Variants in RRAS2 observed in about 807,000 individuals in gnomAD.
RRAS2 encodes the protein ras-related protein R-Ras2.
RRAS2 carries 7 observed loss-of-function variants against 27.6 expected under a neutral mutation model. The observed-to-expected ratio is 0.25, with a 90% CI of 0.14 to 0.48. The LOEUF (loss-of-function observed/expected upper bound fraction) is 0.48, where lower values mean the gene tolerates loss of function less well. Among genes scored for constraint, RRAS2 ranks in the 20% least tolerant of loss-of-function variants. The probability of loss-of-function intolerance (pLI) is 0.99; values close to 1 mark genes in which losing one functional copy is unlikely to be tolerated. For missense variants in RRAS2, 178 were observed against 256.2 expected (o/e 0.69, Z 2.08); for synonymous variants, 86 against 90.9 (o/e 0.95, Z 0.31).
chr11:14,318,809 A>T (rs537467304), intron 1 of RRAS2, among the ~76,000 whole-genome samples: 1 of 152,214 alleles, frequency 6.6e-6, no homozygotes, highest in Non-Finnish European at 1.5e-5. Context: ...AGTAAATATA[A>T]ATCAGACTTT....
chr11:14,357,328 G>C (rs1299823642), intron 1 of RRAS2, among the ~76,000 whole-genome samples: 1 of 151,392 alleles, frequency 6.6e-6, no homozygotes, highest in African/African-American at 2.4e-5. Flanking sequence ...CATCAGACTA[G>C]TCCCCAAAGG....
chr11:14,285,139 G>T (rs922531268), intron 4 of RRAS2, among the ~76,000 whole-genome samples: 4 of 151,986 alleles, frequency 2.6e-5, no homozygotes, highest in African/African-American at 9.7e-5. Flanking sequence ...TCCTTTGTTG[G>T]TTAATTAACT....
chr11:14,349,310 C>A (rs1434861622), intron 1 of RRAS2, among the ~76,000 whole-genome samples: 1 of 151,664 alleles, frequency 6.6e-6, no homozygotes, highest in Non-Finnish European at 1.5e-5. Flanking sequence ...CGCCACCACA[C>A]CCGGCTAATT....
intron 1 of RRAS2, among the ~76,000 whole-genome samples, chr11:14,315,830 T>C (rs1297708589): frequency 1.3e-5 from 2 of 152,106 alleles, no homozygotes; most frequent in Non-Finnish European, 2.9e-5. Context: ...TTAAATTTAA[T>C]TAAGGAAAAC....
At chr11:14,344,079 G>A (rs1255699400) in intron 1 of RRAS2, among the ~76,000 whole-genome samples, 1 of 152,054 alleles carries the variant, frequency 6.6e-6, no homozygotes, top group East Asian at 1.9e-4. Flanking sequence ...GGACATCAAG[G>A]CTGCAGTGAG....
chr11:14,358,901 C>T lies in RRAS2; in HGVS notation c.-31G>A. On this transcript the variant is annotated 5_prime_UTR_variant, in exon 1 of 6. Transcript: ENST00000256196. The surrounding 1 kb of genome is among the most constrained non-coding windows in gnomAD (Gnocchi z 5.1). ...CGCTACAGAGCCCAGCCTGACTGCGCCGAGCCGCCGCTGCCGCCCGCCCTA... is the reference window on the plus strand; with the variant it reads ...CGCTACAGAGCCCAGCCTGACTGCGTCGAGCCGCCGCTGCCGCCCGCCCTA... The T allele has an allele frequency of 1.5e-6, 2 of 1,338,850 alleles. No individual in the cohort carries two copies. The highest frequency in any genetic ancestry group is 1.7e-5 in the South Asian group (1 of 60,152). 82.9% of individuals were successfully genotyped at this position (1,338,850 alleles called of 1,614,324 possible).
intron 4 of RRAS2, among the ~76,000 whole-genome samples, chr11:14,290,768 T>C (rs747256110): frequency 1.3e-5 from 2 of 152,146 alleles, no homozygotes; most frequent in South Asian, 2.1e-4. Context: ...CTGATGTCTG[T>C]AGAATCAAGA....
At chr11:14,285,200 A>G (rs1488911252) in intron 4 of RRAS2, among the ~76,000 whole-genome samples, 1 of 152,182 alleles carries the variant, frequency 6.6e-6, no homozygotes, top group Non-Finnish European at 1.5e-5. Flanking sequence ...ATACATTTTT[A>G]ATTCATGACA....
chr11:14,358,317 G>C lies in RRAS2; in HGVS notation c.108+446C>G, dbSNP rs1554955755. 2 of 985,394 alleles carry C rather than the reference G, an allele frequency of 2.0e-6. No homozygotes were observed. The highest frequency in any genetic ancestry group is 1.1e-4 in the East Asian group (1 of 8,810). 61.0% of individuals were successfully genotyped at this position (985,394 alleles called of 1,614,324 possible). ...AAGCCCGGAGACCACGCGGAGCCGCGGCCAAGTTGCCACCGCTATCGCCCC... is the reference window on the plus strand; with the variant it reads ...AAGCCCGGAGACCACGCGGAGCCGCCGCCAAGTTGCCACCGCTATCGCCCC... On this transcript the variant is annotated intron_variant, in intron 1 of 5. Transcript: ENST00000256196. The surrounding 1 kb of genome is among the most constrained non-coding windows in gnomAD (Gnocchi z 5.1).
At chr11:14,339,420 A>G (rs1180724412) in intron 1 of RRAS2, among the ~76,000 whole-genome samples, 1 of 152,190 alleles carries the variant, frequency 6.6e-6, no homozygotes, top group Non-Finnish European at 1.5e-5. Context: ...GTTCATCAGA[A>G]CAGTCATTCT....
At chr11:14,304,153 T>G (rs1450975947) in intron 1 of RRAS2, among the ~76,000 whole-genome samples, 1 of 152,206 alleles carries the variant, frequency 6.6e-6, no homozygotes, top group East Asian at 1.9e-4. Context: ...TCCATAGATT[T>G]GTATACTAAA....
intron 1 of RRAS2, among the ~76,000 whole-genome samples, chr11:14,330,257 T>C (rs1350619088): frequency 6.6e-6 from 1 of 152,192 alleles, no homozygotes; most frequent in Admixed American, 6.5e-5. Context: ...GATCTATTCA[T>C]TGGTAGTCCT....
At chr11:14,289,425 A>C (rs1037156414) in intron 4 of RRAS2, among the ~76,000 whole-genome samples, 2 of 152,224 alleles carry the variant, frequency 1.3e-5, no homozygotes, top group Non-Finnish European at 2.9e-5. Flanking sequence ...CCACTGTCTA[A>C]GCCAACATAC....
At chr11:14,315,106 A>G (rs1163838381) in intron 1 of RRAS2, among the ~76,000 whole-genome samples, 1 of 152,236 alleles carries the variant, frequency 6.6e-6, no homozygotes, top group Non-Finnish European at 1.5e-5. Context: ...TGTTTATTCA[A>G]AATTAGACAG....
intron 1 of RRAS2, among the ~76,000 whole-genome samples, chr11:14,352,796 G>A (rs1211933465): frequency 1.3e-5 from 2 of 150,260 alleles, no homozygotes; most frequent in Admixed American, 1.3e-4. Context: ...GAGAGAGAGA[G>A]AGACATTTTT....
intron 1 of RRAS2, among the ~76,000 whole-genome samples, chr11:14,355,402 C>T (rs1849051229): frequency 6.6e-6 from 1 of 152,142 alleles, no homozygotes; most frequent in Non-Finnish European, 1.5e-5. Flanking sequence ...TACCTACCAA[C>T]AGAACTTTAC....
chr11:14,303,962 G>C (rs1344902857), intron 1 of RRAS2, among the ~76,000 whole-genome samples: 5 of 152,060 alleles, frequency 3.3e-5, no homozygotes, highest in African/African-American at 1.2e-4. Flanking sequence ...TCCACCTCTG[G>C]GGTTTCCATG....
intron 5 of RRAS2, 92 bp from the exon 6 acceptor site, chr11:14,279,516 T>C: frequency 1.1e-6 from 1 of 949,944 alleles, no homozygotes; most frequent in Non-Finnish European, 1.7e-6. Flanking sequence ...CACTTTTAAG[T>C]GTGTATGCTT....
At chr11:14,355,131 G>T (rs1849044881) in intron 1 of RRAS2, among the ~76,000 whole-genome samples, 1 of 150,596 alleles carries the variant, frequency 6.6e-6, no homozygotes, top group African/African-American at 2.4e-5. Context: ...TAAGAAACTT[G>T]ACTAAACACA....
Sources: gnomAD v4.1 joint callset for allele counts (sites outside exome capture counted in the v4.1 genomes callset) on GRCh38, gnomAD v4.1.1 for gene constraint, Gnocchi (gnomAD v3.1) non-coding constraint, MANE v1.5 for transcripts, NCBI Gene and HGNC (gene_info 2026-07-23, HGNC 2026-07-21) for gene names.